Variants in ATP2B2 observed in about 807,000 individuals in gnomAD.
The protein encoded by ATP2B2 is ATPase plasma membrane Ca2+ transporting 2.
ATP2B2 carries 15 observed loss-of-function variants against 120.0 expected under a neutral mutation model. That is an observed-to-expected ratio of 0.12 (90% CI 0.08 to 0.19). ATP2B2 has a LOEUF of 0.19. Ranked by LOEUF, ATP2B2 falls within the 10% of genes least tolerant of loss-of-function variation. The probability of loss-of-function intolerance (pLI) is 1.00; values close to 1 mark genes in which losing one functional copy is unlikely to be tolerated. For missense variants in ATP2B2, 1,045 were observed against 1,719.8 expected, an observed-to-expected ratio of 0.61 and a Z score of 6.94; for synonymous variants, 694 against 700.3, an observed-to-expected ratio of 0.99 and a Z score of 0.14.
chr3:10,497,618 G>A (rs2066206430), intron 1 of ATP2B2, among the ~76,000 whole-genome samples: 1 of 152,314 alleles, frequency 6.6e-6, no homozygotes, highest in South Asian at 2.1e-4. Context: ...TACAGATGGT[G>A]GGACTAAGGC....
chr3:10,379,430 G>A, intron 8 of ATP2B2, 146 bp from the exon 9 acceptor site: 1 of 950,118 alleles, frequency 1.1e-6, no homozygotes, highest in Admixed American at 2.0e-5. Flanking sequence ...GATACGGGTT[G>A]GGGAGGGCCC....
chr3:10,551,218 A>C (rs571427490), intron 2 of ATP2B2, among the ~76,000 whole-genome samples: 2 of 152,350 alleles, frequency 1.3e-5, no homozygotes, highest in African/African-American at 4.8e-5. Flanking sequence ...CCTATTCTTA[A>C]GGAGCTCATG....
rs202118324 is a variant in ATP2B2 at position 10,371,892 on chromosome 3, C to T, written c.1576G>A (p.Asp526Asn). 40 of 1,614,098 alleles carry T rather than the reference C, an allele frequency of 2.5e-5. No homozygotes were observed. Among genetic ancestry groups the T allele is most frequent in the African/African-American group, 2.0e-4 (15 of 75,024 alleles). ...GTCTTGGTGTTGATGGAGCTGGGGT[C>T]GGGGATCTCTTTATAGTGGACGTCG... is the stretch of plus-strand genomic sequence containing the variant. Reference protein sequence around the residue: ...VGDVHYKEIPDPSSINTKTME... With the variant: ...VGDVHYKEIPNPSSINTKTME... Residue 526 changes from aspartate (D) to asparagine (N), a missense_variant, in exon 12 of 23, where the codon GAC (aspartate) becomes AAC (asparagine). Transcript: ENST00000360273.
chr3:10,426,632 T>C (rs1292957391), intron 2 of ATP2B2, among the ~76,000 whole-genome samples: 4 of 152,226 alleles, frequency 2.6e-5, no homozygotes, highest in African/African-American at 4.8e-5. Context: ...AGCCTGGGCC[T>C]CAGCCTGGGA....
chr3:10,587,367 T>A (rs1211155971), intron 2 of ATP2B2, among the ~76,000 whole-genome samples: 2 of 151,516 alleles, frequency 1.3e-5, no homozygotes, highest in Non-Finnish European at 2.9e-5. Context: ...GTTGTTTAGT[T>A]GTTTTATTTA....
intron 21 of ATP2B2, among the ~76,000 whole-genome samples, chr3:10,339,170 G>A (rs2125362547): frequency 6.6e-6 from 1 of 152,252 alleles, no homozygotes; most frequent in East Asian, 1.9e-4. Flanking sequence ...TCAGTTACTG[G>A]GCCCAGCCCC....
chr3:10,675,063 A>G (rs1012808863), intron 1 of ATP2B2, among the ~76,000 whole-genome samples: 1 of 152,224 alleles, frequency 6.6e-6, no homozygotes, highest in African/African-American at 2.4e-5. Context: ...TTGTTTCCCA[A>G]TGATTCAATT....
At chr3:10,449,964 A>C in intron 1 of ATP2B2, 102 bp from the exon 2 acceptor site, 1 of 329,074 alleles carries the variant, frequency 3.0e-6, no homozygotes, top group South Asian at 2.7e-5. Flanking sequence ...AACCTAAACA[A>C]CACTGACTAC....
intron 2 of ATP2B2, among the ~76,000 whole-genome samples, chr3:10,576,583 T>C (rs2068253002): frequency 6.6e-6 from 1 of 152,048 alleles, no homozygotes. Flanking sequence ...TCTCACTATA[T>C]TCCCCAGGCT....
At chr3:10,514,344 G>A (rs775294656) in intron 3 of ATP2B2, among the ~76,000 whole-genome samples, 4 of 152,174 alleles carry the variant, frequency 2.6e-5, no homozygotes, top group Non-Finnish European at 5.9e-5. Flanking sequence ...ACAGGAACTG[G>A]CCGCCCTTGG....
chr3:10,376,342 G>A (rs1325016531), intron 10 of ATP2B2, among the ~76,000 whole-genome samples: 4 of 152,196 alleles, frequency 2.6e-5, no homozygotes, highest in Non-Finnish European at 5.9e-5. Context: ...GGCCAGGGAA[G>A]GCTTCTTGGA....
intron 1 of ATP2B2, among the ~76,000 whole-genome samples, chr3:10,630,889 G>A (rs1383527781): frequency 6.6e-6 from 1 of 152,078 alleles, no homozygotes; most frequent in Non-Finnish European, 1.5e-5. Context: ...AGGCAGGGCT[G>A]TGATTTGAAC....
At chr3:10,512,548 G>A (rs1343262148) in intron 3 of ATP2B2, among the ~76,000 whole-genome samples, 5 of 151,352 alleles carry the variant, frequency 3.3e-5, no homozygotes, top group Non-Finnish European at 7.4e-5. Flanking sequence ...GCTATGTGGA[G>A]AGTATCACCC....
At chr3:10,369,304 C>T (rs1023116009) in intron 12 of ATP2B2, among the ~76,000 whole-genome samples, 3 of 152,276 alleles carry the variant, frequency 2.0e-5, no homozygotes, top group Middle Eastern at 6.8e-3. Flanking sequence ...GAAAGGGGAG[C>T]CCCTGAGAGG....
intron 1 of ATP2B2, among the ~76,000 whole-genome samples, chr3:10,636,462 A>T (rs1268980273): frequency 2.0e-5 from 3 of 152,312 alleles, no homozygotes; most frequent in Non-Finnish European, 2.9e-5. Flanking sequence ...ACTTCTAGAA[A>T]GAGGAATTGT....
chr3:10,351,499 A>G (rs567073323), intron 14 of ATP2B2, among the ~76,000 whole-genome samples: 1 of 152,330 alleles, frequency 6.6e-6, no homozygotes, highest in South Asian at 2.1e-4. Context: ...GGAAGGGCTC[A>G]GTCTGACGTT....
chr3:10,332,101 A>C, intron 22 of ATP2B2: 1 of 1,459,732 alleles, frequency 6.9e-7, no homozygotes, highest in Non-Finnish European at 9.4e-7. Context: ...CCCACAAAGC[A>C]AGCCATTTTC....
rs2065062282 is a variant in ATP2B2, at chr3:10,472,696, A to G, written c.-319-22834T>C. 2.6e-5 allele frequency among the ~76,000 whole-genome samples: 4 copies of G among 152,210 alleles called. No individual in the cohort carries two copies. The South Asian group carries it at 8.3e-4, about 32-fold the overall frequency. ...TCTCTGCCTGGTTTCTACCTTCTGT[A>G]CAGTGGATCCTGGGGAACTACAGAC... On this transcript the variant is annotated intron_variant, in intron 1 of 22. Coordinates refer to ENST00000360273, the MANE Select transcript of ATP2B2 (RefSeq NM_001001331.4).
At chr3:10,691,177 G>A (rs1034396601) in intron 1 of ATP2B2, among the ~76,000 whole-genome samples, 2 of 152,198 alleles carry the variant, frequency 1.3e-5, no homozygotes, top group Admixed American at 6.5e-5. Context: ...ACTTCTAGAA[G>A]GTTCCTTAGT....
Sources: gnomAD v4.1 joint callset for allele counts (sites outside exome capture counted in the v4.1 genomes callset) on GRCh38, gnomAD v4.1.1 for gene constraint, MANE v1.5 for transcripts, NCBI Gene and HGNC (gene_info 2026-07-23, HGNC 2026-07-21) for gene names.